NXPE4: variants seen among roughly 807,000 people sequenced by gnomAD.
NXPE4 encodes the protein NXPE family member 4.
NXPE4 carries 42 observed loss-of-function variants against 33.3 expected under a neutral mutation model. The observed-to-expected ratio is 1.26, with a 90% CI of 0.98 to 1.63. The LOEUF is 1.63. Ranked by LOEUF, NXPE4 falls within the 40% of genes most tolerant of loss-of-function variation. The pLI is 0.00. For synonymous variants in NXPE4, 253 were observed against 234.9 expected (o/e 1.08, Z -0.71); for missense variants, 709 against 647.6 (o/e 1.09, Z -1.03).
chr11:114,642,608 G>A, the NXPE4 span, among the ~76,000 whole-genome samples: 1 of 152,060 alleles, frequency 6.6e-6, no homozygotes, highest in African/African-American at 2.4e-5. Flanking sequence ...CCTTTTGATG[G>A]CTGCATGGTA....
Position 114,581,789 on chromosome 11 carries a change from T to A in NXPE4, c.831-3A>T. On this transcript the variant is annotated splice_region_variant and splice_polypyrimidine_tract_variant and intron_variant, in intron 3 of 5. Coordinates refer to ENST00000375478, the MANE Select transcript of NXPE4 (RefSeq NM_001077639.2). ...TAATCTCTACACCCACATTTGACCT[T>A]AAAGACACAAATACAGAAATTAATC... The A allele has an allele frequency of 6.2e-7, 1 of 1,602,544 alleles. No homozygotes were observed. Among genetic ancestry groups the A allele is most frequent in the Non-Finnish European group, 8.5e-7 (1 of 1,172,878 alleles).
the NXPE4 span, among the ~76,000 whole-genome samples, chr11:114,647,841 A>G: frequency 6.6e-6 from 1 of 151,936 alleles, no homozygotes; most frequent in Non-Finnish European, 1.5e-5. Flanking sequence ...AGCTAAGATT[A>G]CAGGTGCCTG....
At chr11:114,580,053 C>A in intron 5 of NXPE4, 79 bp downstream of exon 5, 1 of 1,211,182 alleles carries the variant, frequency 8.3e-7, no homozygotes. Context: ...AGAGGAATTT[C>A]CCATATTCCC....
the NXPE4 span, among the ~76,000 whole-genome samples, chr11:114,612,255 G>T: frequency 6.6e-6 from 1 of 151,864 alleles, no homozygotes; most frequent in African/African-American, 2.4e-5. Context: ...TGGAGAATAA[G>T]TGTTGCCTCT....
rs1399377594 is a variant in NXPE4 at position 114,582,989 on chromosome 11, G to C, written c.129C>G (p.Leu43=). The C allele has an allele frequency of 6.2e-7, 1 of 1,613,502 alleles. No individual in the cohort carries two copies. Among genetic ancestry groups the C allele is most frequent in the Admixed American group, 1.7e-5 (1 of 59,962 alleles). ...VWSALNLSIS[L]HYWNNSTKSL... ...ACTTTGTGGAGTTGTTCCAGTAATG[G>C]AGGGAGATGGATAAGTTTAGAGCAG... The change falls in exon 3 of 6, where the codon CTC becomes CTG. Residue 43 remains leucine, a synonymous_variant. Transcript: ENST00000375478.
the NXPE4 span, among the ~76,000 whole-genome samples, chr11:114,622,718 G>C: frequency 1.3e-5 from 2 of 150,440 alleles, no homozygotes; most frequent in South Asian, 2.1e-4. Context: ...TGGATAATAC[G>C]TGTTCCCTCG....
At chr11:114,580,366 T>G (rs769178943) in intron 4 of NXPE4, 28 bp from the exon 5 acceptor site, 5 of 1,590,636 alleles carry the variant, frequency 3.1e-6, no homozygotes, top group Non-Finnish European at 4.3e-6. Context: ...AGATAGGATC[T>G]TCCAAAACAT....
At chr11:114,666,719 T>C in the NXPE4 span, among the ~76,000 whole-genome samples, 1 of 152,148 alleles carries the variant, frequency 6.6e-6, no homozygotes, top group African/African-American at 2.4e-5. Flanking sequence ...CTCAAATTGC[T>C]GGCATATGCA....
At chr11:114,653,783 C>A in the NXPE4 span, among the ~76,000 whole-genome samples, 1 of 152,054 alleles carries the variant, frequency 6.6e-6, no homozygotes, top group African/African-American at 2.4e-5. Flanking sequence ...CCATCTCGGC[C>A]TCCCAAAGTG....
At chr11:114,624,153 G>T in the NXPE4 span, among the ~76,000 whole-genome samples, 2 of 152,104 alleles carry the variant, frequency 1.3e-5, no homozygotes, top group Non-Finnish European at 1.5e-5. Context: ...ATTGCCTCAT[G>T]TGTAACCAAT....
upstream of NXPE4, among the ~76,000 whole-genome samples, chr11:114,598,583 C>A (rs1386018629): frequency 6.6e-6 from 1 of 152,244 alleles, no homozygotes; most frequent in African/African-American, 2.4e-5. Context: ...ACTCTGTGCA[C>A]CTGCAGGCTT....
At chr11:114,577,179 T>A (rs538544379) in intron 5 of NXPE4, among the ~76,000 whole-genome samples, 25 of 145,620 alleles carry the variant, frequency 1.7e-4, no homozygotes, top group South Asian at 1.3e-3. Flanking sequence ...TATATATATA[T>A]AAAATGTTAT....
the NXPE4 span, among the ~76,000 whole-genome samples, chr11:114,649,624 T>C: frequency 6.6e-6 from 1 of 152,150 alleles, no homozygotes; most frequent in Middle Eastern, 3.2e-3. Flanking sequence ...CTTATGAAGA[T>C]GGTAATACAC....
At chr11:114,581,105 T>G (rs1949134593) in intron 4 of NXPE4, among the ~76,000 whole-genome samples, 1 of 152,208 alleles carries the variant, frequency 6.6e-6, no homozygotes, top group Non-Finnish European at 1.5e-5. Flanking sequence ...AGCAAGGCTT[T>G]CTTTCTTTTT....
chr11:114,610,895 A>T, the NXPE4 span, among the ~76,000 whole-genome samples: 1 of 151,838 alleles, frequency 6.6e-6, no homozygotes, highest in Non-Finnish European at 1.5e-5. Flanking sequence ...TCTCATGGGT[A>T]ATCAATGGTA....
chr11:114,613,166 GATA>G, the NXPE4 span, among the ~76,000 whole-genome samples: 1 of 151,542 alleles, frequency 6.6e-6, no homozygotes, highest in Non-Finnish European at 1.5e-5. Context: ...TTACCCGATG[GATA>G]ATTAGTGTTG....
At chr11:114,625,030 C>T in the NXPE4 span, among the ~76,000 whole-genome samples, 8 of 151,912 alleles carry the variant, frequency 5.3e-5, no homozygotes, top group East Asian at 1.9e-4. Flanking sequence ...AGTGTTGCCT[C>T]GGGGGTAAAC....
intron 2 of NXPE4, among the ~76,000 whole-genome samples, chr11:114,588,991 C>A (rs929839022): frequency 6.6e-6 from 1 of 152,142 alleles, no homozygotes. Context: ...GGAGGAGACC[C>A]AGGAAAAAGA....
the NXPE4 span, among the ~76,000 whole-genome samples, chr11:114,601,917 T>G: frequency 2.2e-5 from 1 of 45,334 alleles, no homozygotes; most frequent in Non-Finnish European, 4.1e-5. Context: ...TATATAATTA[T>G]ATATAATATA....
Sources: allele counts gnomAD v4.1 joint callset (sites outside exome capture counted in the v4.1 genomes callset), GRCh38; gene constraint gnomAD v4.1.1; transcripts MANE v1.5; gene names NCBI Gene and HGNC (gene_info 2026-07-23, HGNC 2026-07-21).